The following ADAMTS12 variants were observed in gnomAD, a reference collection of about 807,000 sequenced individuals.
The protein encoded by ADAMTS12 is ADAM metallopeptidase with thrombospondin type 1 motif 12.
ADAMTS12 carries 118 observed loss-of-function variants against 167.8 expected under a neutral mutation model. The observed-to-expected ratio is 0.70, with a 90% CI of 0.61 to 0.82. The LOEUF (loss-of-function observed/expected upper bound fraction) is 0.82, where lower values mean the gene tolerates loss of function less well. ADAMTS12 is among the 40% of genes least tolerant of loss of function. The pLI is 0.00. For synonymous variants in ADAMTS12, 704 were observed against 716.9 expected (o/e 0.98, Z 0.29); for missense variants, 1,916 against 1,998.8 (o/e 0.96, Z 0.79).
intron 3 of ADAMTS12, among the ~76,000 whole-genome samples, chr5:33,688,349 G>A (rs924042823): frequency 2.6e-5 from 3 of 113,764 alleles, no homozygotes; most frequent in Non-Finnish European, 5.8e-5. Context: ...TGCTGAGAGA[G>A]GACAGTGAAA....
intron 5 of ADAMTS12, among the ~76,000 whole-genome samples, chr5:33,670,234 C>G (rs772315182): frequency 1.3e-4 from 20 of 151,842 alleles, no homozygotes; most frequent in Non-Finnish European, 2.4e-4. Context: ...CAAATAAGCA[C>G]ATAAAAAGAT....
chr5:33,821,140 T>C (rs1747852497), intron 2 of ADAMTS12, among the ~76,000 whole-genome samples: 1 of 151,992 alleles, frequency 6.6e-6, no homozygotes, highest in Non-Finnish European at 1.5e-5. Context: ...ATAATAACAA[T>C]CATCATCATC....
chr5:33,697,661 C>T (rs1433828676), intron 3 of ADAMTS12, among the ~76,000 whole-genome samples: 3 of 152,168 alleles, frequency 2.0e-5, no homozygotes, highest in Non-Finnish European at 2.9e-5. Flanking sequence ...CATTCCTTTC[C>T]TTATTTGGAA....
intron 3 of ADAMTS12, among the ~76,000 whole-genome samples, chr5:33,705,297 G>T (rs1308791917): frequency 4.0e-5 from 6 of 151,684 alleles, no homozygotes; most frequent in African/African-American, 1.5e-4. Flanking sequence ...GTGTGTGTGT[G>T]TGTGTGCGTG....
intron 16 of ADAMTS12, 63 bp from the exon 17 acceptor site, chr5:33,596,123 TG>T: frequency 1.3e-6 from 2 of 1,584,994 alleles, no homozygotes; most frequent in Non-Finnish European, 1.7e-6. Flanking sequence ...CATGGTCAGG[TG>T]AGGTACCTGA....
intron 2 of ADAMTS12, among the ~76,000 whole-genome samples, chr5:33,823,225 G>T (rs778749542): frequency 7.2e-5 from 11 of 152,104 alleles, no homozygotes; most frequent in Non-Finnish European, 1.2e-4. Flanking sequence ...TTTCTCCCTG[G>T]GTGGCAAGCT....
intron 2 of ADAMTS12, among the ~76,000 whole-genome samples, chr5:33,871,680 C>T (rs756702844): frequency 1.3e-5 from 2 of 151,900 alleles, no homozygotes; most frequent in Admixed American, 6.6e-5. Context: ...AATAGTAACA[C>T]CAAAAGCTGA....
chr5:33,527,463 C>T, intron 23 of ADAMTS12, 97 bp from the exon 24 acceptor site: 1 of 1,210,512 alleles, frequency 8.3e-7, no homozygotes. Flanking sequence ...TATATGTCTA[C>T]CAAGAAAGGA....
intron 9 of ADAMTS12, among the ~76,000 whole-genome samples, chr5:33,643,677 T>A (rs1242034939): frequency 6.6e-6 from 1 of 152,200 alleles, no homozygotes; most frequent in African/African-American, 2.4e-5. Flanking sequence ...GGTCTATAGA[T>A]CATACTAGGT....
At chr5:33,549,013 G>A (rs465015) in intron 21 of ADAMTS12, among the ~76,000 whole-genome samples, 194 bp downstream of exon 21, 108,770 of 152,184 alleles carry the variant, frequency 0.71, 40,362 homozygotes, top group African/African-American at 0.92. Context: ...TGTCTCCACC[G>A]TGGAATTTTT....
chr5:33,762,341 T>C (rs1166798289), intron 2 of ADAMTS12, among the ~76,000 whole-genome samples: 1 of 151,696 alleles, frequency 6.6e-6, no homozygotes, highest in Non-Finnish European at 1.5e-5. Flanking sequence ...ACCCTGTCTC[T>C]ACTAAAAATA....
At chr5:33,616,497 C>A (rs1338959399) in intron 14 of ADAMTS12, among the ~76,000 whole-genome samples, 1 of 152,266 alleles carries the variant, frequency 6.6e-6, no homozygotes. Flanking sequence ...CTTTTCCTCA[C>A]CCCCCTTGCC....
intron 3 of ADAMTS12, among the ~76,000 whole-genome samples, chr5:33,721,697 C>T (rs1323722339): frequency 1.3e-5 from 2 of 152,222 alleles, no homozygotes; most frequent in Admixed American, 6.5e-5. Flanking sequence ...ATATTTTAAT[C>T]CTGCATCCTG....
intron 12 of ADAMTS12, among the ~76,000 whole-genome samples, chr5:33,635,836 T>G (rs1740166557): frequency 6.6e-6 from 1 of 152,194 alleles, no homozygotes. Context: ...TAGTAGCTAT[T>G]CAGGTTAGCA....
intron 3 of ADAMTS12, among the ~76,000 whole-genome samples, chr5:33,736,189 A>G (rs1744368992): frequency 6.6e-6 from 1 of 151,814 alleles, no homozygotes; most frequent in African/African-American, 2.4e-5. Context: ...CAGCCTCCCA[A>G]GTAGCTGGGA....
chr5:33,642,636 T>C (rs1199828379), intron 10 of ADAMTS12, among the ~76,000 whole-genome samples: 1 of 152,018 alleles, frequency 6.6e-6, no homozygotes, highest in Non-Finnish European at 1.5e-5. Flanking sequence ...TTTAGGAGAG[T>C]AAATATACAA....
chr5:33,763,725 A>C (rs1444605520), intron 2 of ADAMTS12, among the ~76,000 whole-genome samples: 1 of 152,224 alleles, frequency 6.6e-6, no homozygotes, highest in African/African-American at 2.4e-5. Flanking sequence ...TGTTGTAGGA[A>C]ACAATGCTTC....
At chr5:33,658,728 C>T (rs1466267684) in intron 6 of ADAMTS12, among the ~76,000 whole-genome samples, 2 of 152,070 alleles carry the variant, frequency 1.3e-5, no homozygotes, top group Non-Finnish European at 2.9e-5. Context: ...CCTTTTTAGT[C>T]TTTCTGAGGT....
chr5:33,638,728 G>C (rs190935468), intron 11 of ADAMTS12, among the ~76,000 whole-genome samples: 1 of 152,264 alleles, frequency 6.6e-6, no homozygotes, highest in East Asian at 1.9e-4. Flanking sequence ...TGTGTCCTCT[G>C]TGGTGCCTCA....
Sources: allele counts gnomAD v4.1 joint callset (sites outside exome capture counted in the v4.1 genomes callset), GRCh38; gene constraint gnomAD v4.1.1; transcripts MANE v1.5; gene names NCBI Gene and HGNC (gene_info 2026-07-23, HGNC 2026-07-21).